The following ERBB4 variants were observed in gnomAD, a reference collection of about 807,000 sequenced individuals.
ERBB4 encodes erb-b2 receptor tyrosine kinase 4.
A neutral mutation model predicts 158.0 loss-of-function variants in ERBB4; 42 were observed. The ratio of observed to expected loss-of-function variants is 0.27; its 90% CI spans 0.21 to 0.34. The LOEUF (loss-of-function observed/expected upper bound fraction) is 0.34, where lower values mean the gene tolerates loss of function less well. Ranked by LOEUF, ERBB4 falls within the 10% of genes least tolerant of loss-of-function variation. The pLI, the probability that ERBB4 is intolerant of heterozygous loss-of-function variation, is 1.00. For synonymous variants in ERBB4, 583 were observed against 558.7 expected, an observed-to-expected ratio of 1.04 and a Z score of -0.61; for missense variants, 1,333 against 1,624.1, an observed-to-expected ratio of 0.82 and a Z score of 3.08.
At chr2:212,484,859 T>G (rs1195699784) in intron 1 of ERBB4, among the ~76,000 whole-genome samples, 1 of 152,322 alleles carries the variant, frequency 6.6e-6, no homozygotes, top group East Asian at 1.9e-4. Context: ...CTGCCCCTGC[T>G]GCCTGGAATG....
At chr2:212,172,103 A>G (rs73073256) in intron 1 of ERBB4, among the ~76,000 whole-genome samples, 3,696 of 152,240 alleles carry the variant, frequency 0.024, 53 homozygotes, top group African/African-American at 0.049. Flanking sequence ...AAAGTGAGCA[A>G]AGGACATGAA....
rs1234950524 is a variant in ERBB4 at position 211,705,408 on chromosome 2, A to T, written c.1125-17T>A. ...TAAGGGTCCCTAGAAAATCAAGAAG[A>T]GATGTAGCCAAATTTAAATTTTACT... On this transcript the variant is annotated splice_polypyrimidine_tract_variant and intron_variant, in intron 9 of 27. Transcript: ENST00000342788. 6 of 1,519,548 alleles carry T rather than the reference A, an allele frequency of 3.9e-6. No homozygotes were observed. 94.1% of individuals were successfully genotyped at this position (1,519,548 alleles called of 1,614,324 possible).
chr2:211,943,631 G>A (rs574248512), intron 3 of ERBB4, among the ~76,000 whole-genome samples: 1 of 152,054 alleles, frequency 6.6e-6, no homozygotes, highest in South Asian at 2.1e-4. Flanking sequence ...TAGATTGTGT[G>A]GCCTATTTTT....
intron 16 of ERBB4, among the ~76,000 whole-genome samples, chr2:211,649,240 CTCTAAG>C (rs985041111): frequency 1.3e-4 from 19 of 151,744 alleles, no homozygotes; most frequent in African/African-American, 3.1e-4. Context: ...TGCTGAATGA[CTCTAAG>C]TCTGTTTCAT....
intron 1 of ERBB4, among the ~76,000 whole-genome samples, chr2:212,185,137 G>T (rs2081982271): frequency 6.6e-6 from 1 of 151,186 alleles, no homozygotes; most frequent in African/African-American, 2.4e-5. Context: ...TCTGATGCCT[G>T]TGCCTCCCGA....
At chr2:211,620,170 G>A (rs954305718) in intron 18 of ERBB4, among the ~76,000 whole-genome samples, 3 of 152,108 alleles carry the variant, frequency 2.0e-5, no homozygotes, top group African/African-American at 7.2e-5. Flanking sequence ...TTTAAAAGGT[G>A]TATTTTCCCA....
rs10585346 is a variant in ERBB4 at position 211,378,887 on chromosome 2, CT to C, written c.*4727del. 0.081 allele frequency: 17,322 copies of C among 213,958 alleles called. 1,560 individuals are homozygous for C. The highest frequency in any genetic ancestry group is 0.27 in the African/African-American group (11,955 of 44,052). 13.3% of individuals were successfully genotyped at this position (213,958 alleles called of 1,614,324 possible). On this transcript the variant is annotated 3_prime_UTR_variant, in exon 28 of 28. Coordinates refer to ENST00000342788, the MANE Select transcript of ERBB4 (RefSeq NM_005235.3). ...ACAGTAGAAGTTAATTTATCTGTTT[CT>C]TTTTTTTTTTTTAACAACTAGAAGC...
chr2:211,423,128 A>AAAAC (rs1353084086), intron 23 of ERBB4, among the ~76,000 whole-genome samples: 2 of 151,982 alleles, frequency 1.3e-5, no homozygotes, highest in Admixed American at 1.3e-4. Context: ...TGCTAATGAG[A>AAAAC]AAACAGGTGT....
chr2:212,240,862 T>C (rs2084076442), intron 1 of ERBB4, among the ~76,000 whole-genome samples: 1 of 151,968 alleles, frequency 6.6e-6, no homozygotes, highest in Non-Finnish European at 1.5e-5. Context: ...GCCTTCCATG[T>C]CTTGCAAGAC....
intron 1 of ERBB4, among the ~76,000 whole-genome samples, chr2:212,487,414 CT>C (rs778712284): frequency 2.0e-5 from 3 of 151,800 alleles, no homozygotes; most frequent in East Asian, 3.9e-4. Context: ...CTTTAGCAAA[CT>C]TTTTTTTATA....
intron 3 of ERBB4, among the ~76,000 whole-genome samples, chr2:211,861,363 T>TTTTG (rs2078050362): frequency 1.0e-5 from 1 of 99,770 alleles, no homozygotes; most frequent in Non-Finnish European, 1.9e-5. Flanking sequence ...TTTTTTTTTT[T>TTTTG]TTTTTTACTT....
At chr2:212,433,792 T>G (rs1313801937) in intron 1 of ERBB4, among the ~76,000 whole-genome samples, 2 of 152,040 alleles carry the variant, frequency 1.3e-5, no homozygotes, top group East Asian at 3.9e-4. Flanking sequence ...ACATAACAAA[T>G]CAAACACATT....
chr2:212,511,876 T>C (rs774243296), intron 1 of ERBB4, among the ~76,000 whole-genome samples: 4 of 151,776 alleles, frequency 2.6e-5, no homozygotes, highest in Non-Finnish European at 4.4e-5. Context: ...GGGGATGGCA[T>C]TCGTGTCACC....
chr2:212,351,781 G>A (rs187531501), intron 1 of ERBB4, among the ~76,000 whole-genome samples: 139 of 152,060 alleles, frequency 9.1e-4, no homozygotes, highest in African/African-American at 3.0e-3. Flanking sequence ...AAACATCTTC[G>A]TTGCTATGTA....
intron 19 of ERBB4, among the ~76,000 whole-genome samples, chr2:211,571,830 G>A (rs749453577): frequency 3.9e-5 from 6 of 151,986 alleles, no homozygotes; most frequent in Non-Finnish European, 5.9e-5. Context: ...GAATCAACCC[G>A]TATTTCAATT....
chr2:211,746,595 G>T (rs1170639186), intron 5 of ERBB4, among the ~76,000 whole-genome samples: 1 of 152,028 alleles, frequency 6.6e-6, no homozygotes, highest in African/African-American at 2.4e-5. Context: ...TTGGGAGGCC[G>T]AGGCGAGTGG....
chr2:211,409,657 G>A (rs1054291604), intron 25 of ERBB4, among the ~76,000 whole-genome samples: 1 of 152,062 alleles, frequency 6.6e-6, no homozygotes, highest in Non-Finnish European at 1.5e-5. Flanking sequence ...ATCCTTTTAA[G>A]CCAATTGATA....
At chr2:212,482,695 C>T (rs1689764502) in intron 1 of ERBB4, among the ~76,000 whole-genome samples, 1 of 152,190 alleles carries the variant, frequency 6.6e-6, no homozygotes, top group Admixed American at 6.5e-5. Context: ...CAGCTCACTG[C>T]AACCTCTATC....
chr2:211,640,461 G>T (rs768789227), intron 16 of ERBB4, among the ~76,000 whole-genome samples: 1 of 152,186 alleles, frequency 6.6e-6, no homozygotes, highest in South Asian at 2.1e-4. Context: ...AATGAACAAA[G>T]CTCCTTTTCC....
Sources: allele counts gnomAD v4.1 joint callset (sites outside exome capture counted in the v4.1 genomes callset), GRCh38; gene constraint gnomAD v4.1.1; transcripts MANE v1.5; gene names NCBI Gene and HGNC (gene_info 2026-07-23, HGNC 2026-07-21).